Variants in RCAN2 observed in about 807,000 individuals in gnomAD.
RCAN2 encodes regulator of calcineurin 2.
Under a neutral mutation model 23.6 loss-of-function variants are expected in RCAN2, and 9 were observed. That is an observed-to-expected ratio of 0.38 (90% CI 0.23 to 0.67). The LOEUF (loss-of-function observed/expected upper bound fraction) is 0.67. Among genes scored for constraint, RCAN2 ranks in the 30% least tolerant of loss-of-function variants. The pLI is 0.51. For missense variants in RCAN2, 273 were observed against 302.3 expected (o/e 0.90, Z 0.72); for synonymous variants, 109 against 115.7 (o/e 0.94, Z 0.37).
intron 2 of RCAN2, among the ~76,000 whole-genome samples, chr6:46,446,399 C>A (rs576023250): frequency 6.6e-6 from 1 of 152,148 alleles, no homozygotes; most frequent in South Asian, 2.1e-4. Context: ...CCCAGACAAA[C>A]AAAGCTGACA....
Position 46,464,812 on chromosome 6 carries a change from C to G in RCAN2, c.-2-7834G>C, listed in dbSNP as rs1342489449. On this transcript the variant is annotated intron_variant, in intron 1 of 4. Coordinates refer to ENST00000371374, the MANE Select transcript of RCAN2 (RefSeq NM_001251974.2). ...TCCTCATTTATGGCTCTCTTCAGGACACCTTCTGGAGCCACTGTTCCACCT... is the reference window on the plus strand; with the variant it reads ...TCCTCATTTATGGCTCTCTTCAGGAGACCTTCTGGAGCCACTGTTCCACCT... Among the ~76,000 whole-genome samples the G allele has an allele frequency of 2.0e-5, 3 of 152,080 alleles. No homozygotes were observed. In the East Asian group the frequency reaches 5.8e-4, roughly 29 times the overall value.
intron 2 of RCAN2, among the ~76,000 whole-genome samples, chr6:46,314,945 C>T (rs1258158702): frequency 6.6e-6 from 1 of 152,188 alleles, no homozygotes; most frequent in Non-Finnish European, 1.5e-5. Flanking sequence ...CTTCTAGTCT[C>T]AGCTACCCGG....
At chr6:46,260,564 T>C (rs1342492885) in intron 2 of RCAN2, among the ~76,000 whole-genome samples, 1 of 152,166 alleles carries the variant, frequency 6.6e-6, no homozygotes, top group Non-Finnish European at 1.5e-5. Flanking sequence ...AAAGGCAGCA[T>C]AGTTTGCATG....
chr6:46,255,959 G>T (rs1483807115), intron 2 of RCAN2, among the ~76,000 whole-genome samples: 1 of 152,166 alleles, frequency 6.6e-6, no homozygotes, highest in Non-Finnish European at 1.5e-5. Flanking sequence ...AATAAGCATT[G>T]CTCAGAGCAA....
intron 2 of RCAN2, among the ~76,000 whole-genome samples, chr6:46,393,245 G>T (rs1410979758): frequency 1.3e-5 from 2 of 152,004 alleles, no homozygotes; most frequent in Non-Finnish European, 2.9e-5. Flanking sequence ...TAGTTTTGGG[G>T]TTGGTGTCTA....
intron 1 of RCAN2, among the ~76,000 whole-genome samples, chr6:46,486,356 A>C (rs1768990146): frequency 6.6e-6 from 1 of 152,160 alleles, no homozygotes; most frequent in South Asian, 2.1e-4. Flanking sequence ...GCATTCAACA[A>C]ATGCCAGTTC....
chr6:46,251,862 G>A (rs1218044353), intron 2 of RCAN2, among the ~76,000 whole-genome samples: 2 of 152,150 alleles, frequency 1.3e-5, no homozygotes, highest in African/African-American at 4.8e-5. Context: ...GAAACTCTTT[G>A]ATATTCCTTG....
At chr6:46,386,524 C>G (rs1765756119) in intron 2 of RCAN2, among the ~76,000 whole-genome samples, 1 of 143,028 alleles carries the variant, frequency 7.0e-6, no homozygotes, top group Non-Finnish European at 1.5e-5. Flanking sequence ...AGGAGAATTG[C>G]TTGAACTAGG....
chr6:46,360,077 G>A (rs945453881), intron 2 of RCAN2, among the ~76,000 whole-genome samples: 19 of 152,234 alleles, frequency 1.2e-4, no homozygotes, highest in African/African-American at 4.1e-4. Flanking sequence ...AAACTTTAAT[G>A]TGATGAGATC....
chr6:46,317,180 A>G (rs1741303183), intron 2 of RCAN2, among the ~76,000 whole-genome samples: 1 of 152,230 alleles, frequency 6.6e-6, no homozygotes, highest in Non-Finnish European at 1.5e-5. Flanking sequence ...CATTTTCCAG[A>G]AAACTTTTCT....
chr6:46,403,096 C>G lies in RCAN2; in HGVS notation c.225+53656G>C, dbSNP rs540554933. Among the ~76,000 whole-genome samples, 959 of 152,136 alleles carry G rather than the reference C, an allele frequency of 6.3e-3. 12 individuals carry two copies. Among genetic ancestry groups the G allele is most frequent in the African/African-American group, 0.022 (933 of 41,534 alleles). On this transcript the variant is annotated intron_variant, in intron 2 of 4. Coordinates refer to ENST00000371374, the MANE Select transcript of RCAN2 (RefSeq NM_001251974.2). ...TCTCCTGCCTCAGCCTCCTGAGTAG[C>G]TGGGACTACAGGCGCCCGCCACCAC...
intron 4 of RCAN2, among the ~76,000 whole-genome samples, chr6:46,243,833 C>A (rs9367238): frequency 0.79 from 98,887 of 125,888 alleles, 39,236 homozygotes; most frequent in African/African-American, 0.83. Flanking sequence ...AAAAAAAAAA[C>A]CAAGAAATAA....
chr6:46,288,041 C>T (rs1242892813), intron 2 of RCAN2, among the ~76,000 whole-genome samples: 2 of 152,184 alleles, frequency 1.3e-5, no homozygotes, highest in Non-Finnish European at 2.9e-5. Context: ...GGGTTTTGCT[C>T]TTATTCATCC....
At chr6:46,427,610 T>G in intron 2 of RCAN2, among the ~76,000 whole-genome samples, 1 of 152,188 alleles carries the variant, frequency 6.6e-6, no homozygotes, top group East Asian at 1.9e-4. Context: ...GACATACCTA[T>G]CAGATTAATA....
chr6:46,318,720 A>C (rs1667712797), intron 2 of RCAN2, among the ~76,000 whole-genome samples: 3 of 152,206 alleles, frequency 2.0e-5, no homozygotes, highest in Admixed American at 2.0e-4. Flanking sequence ...AGGTTAAAAA[A>C]AAAGAGAAAT....
intron 2 of RCAN2, among the ~76,000 whole-genome samples, chr6:46,277,884 T>C (rs997971241): frequency 1.3e-5 from 2 of 152,148 alleles, no homozygotes; most frequent in African/African-American, 4.8e-5. Context: ...CGAGACAAAG[T>C]ACTAAAAGTA....
intron 2 of RCAN2, among the ~76,000 whole-genome samples, chr6:46,321,467 T>C (rs1330545515): frequency 6.6e-6 from 1 of 152,228 alleles, no homozygotes; most frequent in African/African-American, 2.4e-5. Flanking sequence ...GTATTTCTTA[T>C]AAGATTTGTC....
intron 4 of RCAN2, among the ~76,000 whole-genome samples, chr6:46,239,960 C>A: frequency 6.6e-6 from 1 of 151,966 alleles, no homozygotes; most frequent in Non-Finnish European, 1.5e-5. Context: ...AAGGTATAGG[C>A]AAAGAAAACT....
At chr6:46,343,918 T>C (rs1764407986) in intron 2 of RCAN2, among the ~76,000 whole-genome samples, 1 of 152,232 alleles carries the variant, frequency 6.6e-6, no homozygotes, top group South Asian at 2.1e-4. Flanking sequence ...AATAAACTAC[T>C]GACATGCTAC....
Sources: allele counts gnomAD v4.1 joint callset (sites outside exome capture counted in the v4.1 genomes callset), GRCh38; gene constraint gnomAD v4.1.1; transcripts MANE v1.5; gene names NCBI Gene and HGNC (gene_info 2026-07-23, HGNC 2026-07-21).